The following PCDH15 variants were observed in gnomAD, a reference collection of about 807,000 sequenced individuals.
The protein encoded by PCDH15 is protocadherin-15.
PCDH15 carries 129 observed loss-of-function variants against 178.5 expected under a neutral mutation model. The observed-to-expected ratio is 0.72, with a 90% CI of 0.63 to 0.84. The LOEUF (loss-of-function observed/expected upper bound fraction) is 0.84. Ranked by LOEUF, PCDH15 falls within the 40% of genes least tolerant of loss-of-function variation. The pLI, the probability that PCDH15 is intolerant of heterozygous loss-of-function variation, is 0.00. For missense variants in PCDH15, 2,230 were observed against 2,099.9 expected, an observed-to-expected ratio of 1.06 and a Z score of -1.21; for synonymous variants, 800 against 732.0, an observed-to-expected ratio of 1.09 and a Z score of -1.50.
At chr10:53,851,521 T>A (rs2078355232) in intron 28 of PCDH15, among the ~76,000 whole-genome samples, 2 of 151,314 alleles carry the variant, frequency 1.3e-5, no homozygotes, top group African/African-American at 4.8e-5. Context: ...TTTGGTGGTC[T>A]GGGAAATGAG....
At chr10:54,398,397 C>A (rs527532127) in intron 3 of PCDH15, among the ~76,000 whole-genome samples, 1 of 151,958 alleles carries the variant, frequency 6.6e-6, no homozygotes, top group African/African-American at 2.4e-5. Context: ...AAAATTACCA[C>A]CAAAGGTGCT....
intron 25 of PCDH15, among the ~76,000 whole-genome samples, chr10:53,937,864 T>C (rs1219005251): frequency 2.0e-5 from 3 of 152,090 alleles, no homozygotes; most frequent in Non-Finnish European, 4.4e-5. Flanking sequence ...GAACGCTCGC[T>C]TGCTGAAATG....
intron 2 of PCDH15, among the ~76,000 whole-genome samples, chr10:55,496,177 A>T (rs1198541784): frequency 6.6e-6 from 1 of 151,892 alleles, no homozygotes; most frequent in Non-Finnish European, 1.5e-5. Flanking sequence ...TATATGAGTT[A>T]TATCTCAATA....
intron 18 of PCDH15, among the ~76,000 whole-genome samples, chr10:54,048,684 T>G (rs1263607813): frequency 6.6e-6 from 1 of 152,154 alleles, no homozygotes; most frequent in Non-Finnish European, 1.5e-5. Flanking sequence ...TTGTTGACTT[T>G]ATAATCAAAT....
chr10:53,952,946 G>A (rs1398882091), intron 23 of PCDH15, among the ~76,000 whole-genome samples: 5 of 152,242 alleles, frequency 3.3e-5, no homozygotes, highest in Non-Finnish European at 7.3e-5. Context: ...GAGAGGCCAG[G>A]CATTGGGAGA....
intron 1 of PCDH15, among the ~76,000 whole-genome samples, chr10:54,729,722 C>T (rs538163761): frequency 2.0e-5 from 3 of 151,622 alleles, no homozygotes; most frequent in East Asian, 3.9e-4. Context: ...AAACAAACAA[C>T]CCCATTAGAA....
At chr10:54,302,350 G>T (rs990871799) in intron 8 of PCDH15, among the ~76,000 whole-genome samples, 3 of 152,174 alleles carry the variant, frequency 2.0e-5, no homozygotes, top group Admixed American at 6.5e-5. Flanking sequence ...TGTTGTTTTA[G>T]ACTAGACTGT....
intron 3 of PCDH15, among the ~76,000 whole-genome samples, chr10:54,879,042 G>A (rs921485110): frequency 6.6e-6 from 1 of 152,094 alleles, no homozygotes; most frequent in African/African-American, 2.4e-5. Flanking sequence ...TGATGATTAT[G>A]AAAAGTAAAA....
At chr10:54,842,267 T>G (rs2133762397) in intron 3 of PCDH15, among the ~76,000 whole-genome samples, 1 of 151,872 alleles carries the variant, frequency 6.6e-6, no homozygotes, top group South Asian at 2.1e-4. Context: ...CTTCGTAATT[T>G]TATTTTTTCT....
intron 3 of PCDH15, among the ~76,000 whole-genome samples, chr10:54,403,458 C>A (rs532276134): frequency 6.6e-6 from 1 of 151,904 alleles, no homozygotes; most frequent in South Asian, 2.1e-4. Flanking sequence ...CTAATAAGAG[C>A]CATATATGAA....
intron 3 of PCDH15, among the ~76,000 whole-genome samples, chr10:54,808,999 C>T (rs898980712): frequency 1.3e-5 from 2 of 151,596 alleles, no homozygotes; most frequent in Non-Finnish European, 2.9e-5. Flanking sequence ...TGCTGACAAC[C>T]TGAGAAACAG....
chr10:54,791,671 C>A (rs1951425481), intron 1 of PCDH15, among the ~76,000 whole-genome samples: 1 of 151,862 alleles, frequency 6.6e-6, no homozygotes, highest in African/African-American at 2.4e-5. Context: ...ATCCTGAAGT[C>A]ATCCAATCTC....
intron 2 of PCDH15, among the ~76,000 whole-genome samples, chr10:55,440,216 G>A (rs192328595): frequency 3.9e-5 from 6 of 152,216 alleles, no homozygotes; most frequent in Admixed American, 3.9e-4. Context: ...TAATAAAATG[G>A]AACAAAGTAC....
chr10:54,148,382 T>C (rs2133273575), intron 14 of PCDH15, among the ~76,000 whole-genome samples: 1 of 152,166 alleles, frequency 6.6e-6, no homozygotes, highest in South Asian at 2.1e-4. Flanking sequence ...ATATAATCTA[T>C]GCATATTGTC....
chr10:54,193,758 C>T (rs1241928958), intron 11 of PCDH15, among the ~76,000 whole-genome samples: 1 of 152,090 alleles, frequency 6.6e-6, no homozygotes, highest in Non-Finnish European at 1.5e-5. Flanking sequence ...TATAGTCAGA[C>T]TATGATCAAA....
At chr10:54,930,565 A>C (rs1353741533) in intron 2 of PCDH15, among the ~76,000 whole-genome samples, 2 of 152,160 alleles carry the variant, frequency 1.3e-5, no homozygotes, top group Non-Finnish European at 2.9e-5. Context: ...TTTTGATTTC[A>C]ACACTTGTGT....
At chr10:54,103,622 A>G (rs1201606687) in intron 15 of PCDH15, among the ~76,000 whole-genome samples, 1 of 152,188 alleles carries the variant, frequency 6.6e-6, no homozygotes, top group Non-Finnish European at 1.5e-5. Flanking sequence ...CCACTCCACC[A>G]TCCCAAACTC....
chr10:53,878,176 C>T (rs924212945), intron 26 of PCDH15, among the ~76,000 whole-genome samples: 1 of 94,982 alleles, frequency 1.1e-5, no homozygotes, highest in African/African-American at 5.1e-5. Flanking sequence ...CTTGGCTATA[C>T]TATGGCACAC....
At chr10:55,390,128 T>C (rs952108625) in intron 2 of PCDH15, among the ~76,000 whole-genome samples, 1 of 152,044 alleles carries the variant, frequency 6.6e-6, no homozygotes, top group East Asian at 1.9e-4. Flanking sequence ...TTTTTTTTTC[T>C]TTTTTTGGTC....
Sources: gnomAD v4.1 joint callset for allele counts (sites outside exome capture counted in the v4.1 genomes callset) on GRCh38, gnomAD v4.1.1 for gene constraint, MANE v1.5 for transcripts, NCBI Gene and HGNC (gene_info 2026-07-23, HGNC 2026-07-21) for gene names.